Variants in ERC1 observed in about 807,000 individuals in gnomAD.
ERC1 encodes ELKS/RAB6-interacting/CAST family member 1, also known as RAB6 interacting protein 2.
ERC1 carries 56 observed loss-of-function variants against 132.0 expected under a neutral mutation model. The observed-to-expected ratio is 0.42, with a 90% CI of 0.34 to 0.53. The LOEUF is 0.53. Ranked by LOEUF, ERC1 falls within the 20% of genes least tolerant of loss-of-function variation. The pLI is 0.03. For synonymous variants in ERC1, 478 were observed against 476.1 expected, an observed-to-expected ratio of 1.00 and a Z score of -0.05; for missense variants, 1,202 against 1,349.9, an observed-to-expected ratio of 0.89 and a Z score of 1.72.
chr12:1,400,914 G>GTTTT (rs1566774897), intron 16 of ERC1, among the ~76,000 whole-genome samples: 18 of 11,128 alleles, frequency 1.6e-3, no homozygotes, highest in South Asian at 3.6e-3. Flanking sequence ...GGCTATTTTT[G>GTTTT]TATTTTTTTT....
At chr12:1,073,906 C>T (rs1433495500) in intron 2 of ERC1, among the ~76,000 whole-genome samples, 6 of 108,808 alleles carry the variant, frequency 5.5e-5, no homozygotes, top group Non-Finnish European at 1.0e-4. Context: ...CTTGCTGTGT[C>T]GCTAGGCTGG....
chr12:995,313 A>G (rs1960608870), intron 1 of ERC1, among the ~76,000 whole-genome samples: 1 of 152,154 alleles, frequency 6.6e-6, no homozygotes, highest in African/African-American at 2.4e-5. Context: ...CTTATGCTGT[A>G]TTGTTCCAGG....
intron 18 of ERC1, among the ~76,000 whole-genome samples, chr12:1,482,322 C>T (rs1273231818): frequency 6.6e-6 from 1 of 152,112 alleles, no homozygotes; most frequent in South Asian, 2.1e-4. Flanking sequence ...CCCCCCAACC[C>T]TGCCTTCCTT....
At position 1,408,393 on chromosome 12, in the gene ERC1, C is replaced by CA. The variant is rs536321545; in HGVS notation, c.3024+153dup. 9.4e-4 allele frequency: 504 copies of CA among 536,560 alleles called. 5 individuals carry two copies. The highest frequency in any genetic ancestry group is 8.8e-3 in the African/African-American group (460 of 52,436). 33.2% of individuals were successfully genotyped at this position (536,560 alleles called of 1,614,324 possible). A position where few individuals can be genotyped will look rare whatever the true frequency, so the allele number is the denominator to read the frequency against. ...TCAGTTCTGAAAACTCTACTCTTTT[C>CA]AAAAAAATCACAGATTCAGTTTCTT... is the stretch of plus-strand genomic sequence containing the variant. On this transcript the variant is annotated intron_variant, in intron 17 of 18. Coordinates refer to ENST00000360905, the MANE Select transcript of ERC1 (RefSeq NM_178040.4).
At chr12:1,351,718 T>G (rs1328317709) in intron 15 of ERC1, among the ~76,000 whole-genome samples, 1 of 152,216 alleles carries the variant, frequency 6.6e-6, no homozygotes, top group Non-Finnish European at 1.5e-5. Flanking sequence ...TACATATTTA[T>G]GGGGTACATA....
intron 8 of ERC1, among the ~76,000 whole-genome samples, chr12:1,180,277 G>GTGTA: frequency 6.9e-6 from 1 of 145,916 alleles, no homozygotes; most frequent in South Asian, 2.1e-4. Flanking sequence ...GTGTGTGTGT[G>GTGTA]TGTGTGCGCG....
intron 18 of ERC1, among the ~76,000 whole-genome samples, chr12:1,447,136 T>G (rs2093323755): frequency 6.6e-6 from 1 of 152,062 alleles, no homozygotes; most frequent in Admixed American, 6.6e-5. Flanking sequence ...ACAACTACAG[T>G]GCAACCAAAA....
intron 11 of ERC1, among the ~76,000 whole-genome samples, chr12:1,186,166 G>GTTT: frequency 1.3e-5 from 2 of 152,216 alleles, no homozygotes; most frequent in East Asian, 3.9e-4. Flanking sequence ...AAGTATGTGT[G>GTTT]TTTTCCCCTT....
intron 15 of ERC1, among the ~76,000 whole-genome samples, chr12:1,334,763 G>A (rs1032832253): frequency 6.6e-6 from 1 of 152,156 alleles, no homozygotes; most frequent in Non-Finnish European, 1.5e-5. Flanking sequence ...CTAGTTCTGT[G>A]AAGAATGTCA....
intron 18 of ERC1, among the ~76,000 whole-genome samples, chr12:1,472,430 C>T (rs1343070083): frequency 6.6e-6 from 1 of 152,124 alleles, no homozygotes; most frequent in Non-Finnish European, 1.5e-5. Context: ...GGGAGGATTG[C>T]TTGAGGCCAG....
intron 1 of ERC1, among the ~76,000 whole-genome samples, chr12:1,017,495 A>ATTTTTTTTTTTT (rs67654163): frequency 2.4e-5 from 3 of 124,906 alleles, no homozygotes; most frequent in Non-Finnish European, 5.0e-5. Context: ...TTGTTCTGGT[A>ATTTTTTTTTTTT]TTTTTTTTTT....
chr12:1,453,086 C>G (rs1011784986), intron 18 of ERC1, among the ~76,000 whole-genome samples: 1 of 152,194 alleles, frequency 6.6e-6, no homozygotes, highest in African/African-American at 2.4e-5. Context: ...GTAGACTGTT[C>G]TTGTTACTCA....
intron 17 of ERC1, among the ~76,000 whole-genome samples, chr12:1,433,035 G>C (rs534611130): frequency 1.3e-5 from 2 of 152,294 alleles, no homozygotes; most frequent in East Asian, 3.9e-4. Context: ...GCCTGCCCTG[G>C]TACTAAAGGA....
chr12:1,121,840 T>TAA (rs1445732678), intron 7 of ERC1, among the ~76,000 whole-genome samples: 2 of 33,154 alleles, frequency 6.0e-5, no homozygotes, highest in African/African-American at 2.5e-4. Flanking sequence ...TATCTCTATC[T>TAA]ATCTCTATCT....
chr12:1,083,851 A>G (rs553807509), intron 3 of ERC1, among the ~76,000 whole-genome samples: 1 of 152,316 alleles, frequency 6.6e-6, no homozygotes, highest in Admixed American at 6.5e-5. Context: ...CTAAAGGGGT[A>G]AAAAATTCCT....
intron 14 of ERC1, among the ~76,000 whole-genome samples, chr12:1,276,840 T>C (rs187004996): frequency 6.6e-6 from 1 of 152,358 alleles, no homozygotes; most frequent in African/African-American, 2.4e-5. Flanking sequence ...CTAAACAATT[T>C]AGGATTTAAT....
chr12:1,344,130 C>T (rs1168132939), intron 15 of ERC1, among the ~76,000 whole-genome samples: 2 of 152,180 alleles, frequency 1.3e-5, no homozygotes, highest in African/African-American at 2.4e-5. Flanking sequence ...CGTGAGCCAC[C>T]GCGCCCAGCC....
At chr12:1,070,261 T>C (rs948434848) in intron 2 of ERC1, among the ~76,000 whole-genome samples, 1 of 152,142 alleles carries the variant, frequency 6.6e-6, no homozygotes, top group African/African-American at 2.4e-5. Context: ...TTAAAATCAT[T>C]TAAATTATCA....
intron 1 of ERC1, among the ~76,000 whole-genome samples, chr12:1,027,039 T>C (rs1967008386): frequency 6.6e-6 from 1 of 152,246 alleles, no homozygotes; most frequent in Non-Finnish European, 1.5e-5. Context: ...CAGATAACTT[T>C]GTTTAGGTGT....
Sources: allele counts gnomAD v4.1 joint callset (sites outside exome capture counted in the v4.1 genomes callset), GRCh38; gene constraint gnomAD v4.1.1; transcripts MANE v1.5; gene names NCBI Gene and HGNC (gene_info 2026-07-23, HGNC 2026-07-21).